Variants in PTPRN2 observed in about 807,000 individuals in gnomAD.
PTPRN2 encodes the protein receptor-type tyrosine-protein phosphatase N2.
In PTPRN2, 74 loss-of-function variants were observed where a neutral mutation model predicts 118.8. That is an observed-to-expected ratio of 0.62 (90% confidence interval 0.52 to 0.76). The LOEUF (loss-of-function observed/expected upper bound fraction) is 0.76, where lower values mean the gene tolerates loss of function less well. Among genes scored for constraint, PTPRN2 ranks in the 30% least tolerant of loss-of-function variants. The probability of loss-of-function intolerance (pLI) is 0.00; values close to 1 mark genes in which losing one functional copy is unlikely to be tolerated. For missense variants in PTPRN2, 1,481 were observed against 1,394.4 expected (o/e 1.06, Z -0.99); for synonymous variants, 641 against 608.0 (o/e 1.05, Z -0.80).
chr7:157,576,528 G>T (rs1563227026), intron 19 of PTPRN2, 85 bp downstream of exon 19: 1 of 1,339,020 alleles, frequency 7.5e-7, no homozygotes. Flanking sequence ...CTCGGCGCCA[G>T]GGGCGTCTCA....
intron 17 of PTPRN2, among the ~76,000 whole-genome samples, chr7:157,584,695 T>C (rs1318918597): frequency 6.6e-6 from 1 of 152,210 alleles, no homozygotes; most frequent in Non-Finnish European, 1.5e-5. Context: ...ATAAAGAAGA[T>C]GCAGCTAAAT....
chr7:157,844,619 C>G (rs1407313649), intron 12 of PTPRN2, among the ~76,000 whole-genome samples: 2 of 152,150 alleles, frequency 1.3e-5, no homozygotes, highest in South Asian at 2.1e-4. Flanking sequence ...ACAGCACGAC[C>G]CCAGGGTGGT....
At chr7:158,391,694 C>T (rs1811940926) in intron 2 of PTPRN2, among the ~76,000 whole-genome samples, 1 of 152,222 alleles carries the variant, frequency 6.6e-6, no homozygotes, top group African/African-American at 2.4e-5. Flanking sequence ...CAGCCCCTCA[C>T]AGCCCTGACC....
intron 12 of PTPRN2, among the ~76,000 whole-genome samples, chr7:157,839,996 GTGTGTGACTGTGTGTGAC>G (rs574548625): frequency 1.1e-3 from 158 of 150,170 alleles, no homozygotes; most frequent in Admixed American, 1.5e-3. Flanking sequence ...CTGTGTGGCC[GTGTGTGACTGTGTGTGAC>G]TGTGTGACTG....
intron 12 of PTPRN2, among the ~76,000 whole-genome samples, chr7:157,814,532 G>C (rs192768884): frequency 6.8e-6 from 1 of 146,788 alleles, no homozygotes; most frequent in African/African-American, 2.6e-5. Flanking sequence ...GGACAGGCGG[G>C]GGCAGGACAG....
chr7:158,131,348 C>T (rs533995047), intron 9 of PTPRN2, among the ~76,000 whole-genome samples: 157 of 139,456 alleles, frequency 1.1e-3, no homozygotes, highest in African/African-American at 4.0e-3. Flanking sequence ...TGCACATTTG[C>T]ACAAACCAAT....
chr7:157,840,382 CCGCG>C, intron 12 of PTPRN2, among the ~76,000 whole-genome samples: 1 of 138,934 alleles, frequency 7.2e-6, no homozygotes. Context: ...GACTGTGTGA[CCGCG>C]TGTGACTGTG....
chr7:157,955,970 A>G (rs1168147982), intron 11 of PTPRN2, among the ~76,000 whole-genome samples: 1 of 152,230 alleles, frequency 6.6e-6, no homozygotes, highest in Non-Finnish European at 1.5e-5. Context: ...CCAAGGGAGA[A>G]ACCCGCACAT....
intron 11 of PTPRN2, among the ~76,000 whole-genome samples, chr7:158,067,400 CTG>C (rs1810854625): frequency 6.6e-6 from 1 of 152,194 alleles, no homozygotes; most frequent in Non-Finnish European, 1.5e-5. Context: ...TGGACTGCAG[CTG>C]TGAGTGGTAC....
intron 6 of PTPRN2, among the ~76,000 whole-genome samples, chr7:158,153,847 G>C (rs1044537854): frequency 5.9e-5 from 9 of 151,810 alleles, no homozygotes; most frequent in Non-Finnish European, 1.3e-4. Flanking sequence ...TGGTGGTCGG[G>C]GGGACAGAGA....
chr7:157,784,447 T>A lies in PTPRN2; in HGVS notation c.1789-101510A>T, dbSNP rs1803889651. On this transcript the variant is annotated intron_variant, in intron 12 of 22. Coordinates refer to ENST00000389418, the MANE Select transcript of PTPRN2 (RefSeq NM_002847.5). The surrounding 1 kb of genome is among the most constrained non-coding windows in gnomAD (Gnocchi z 4.6). ...AGCGCCCACAAGGCTCAGGGCTGGG[T>A]CCAGCCTCACCTGCAAAAGCTGTGG... 6.6e-6 allele frequency among the ~76,000 whole-genome samples: 1 copy of A among 152,136 alleles called. No individual in the cohort carries two copies. Among genetic ancestry groups the A allele is most frequent in the Non-Finnish European group, 1.5e-5 (1 of 68,032 alleles).
chr7:158,318,398 C>A (rs1475887602), intron 2 of PTPRN2, among the ~76,000 whole-genome samples: 1 of 152,242 alleles, frequency 6.6e-6, no homozygotes. Context: ...GGCAGCACGT[C>A]GAGACGGCCC....
intron 12 of PTPRN2, among the ~76,000 whole-genome samples, chr7:157,895,050 C>CG (rs781544570): frequency 6.6e-6 from 1 of 150,858 alleles, no homozygotes; most frequent in Non-Finnish European, 1.5e-5. Context: ...AAGAGGACCC[C>CG]TCCCCCACAG....
rs142547954 is a variant in PTPRN2 at position 158,385,095 on chromosome 7, CCCA to C, written c.164-68166_164-68164del. On this transcript the variant is annotated intron_variant, in intron 2 of 22. Transcript: ENST00000389418. ...ATGTTTAAATTTTCCGTTCCACACT[CCCA>C]CCAATGCCCCTGAAGCATGGAATAA... Among the ~76,000 whole-genome samples the C allele has an allele frequency of 1.3e-3, 193 of 152,314 alleles. 2 individuals are homozygous for C. The East Asian group carries it at 0.032, about 25-fold the overall frequency.
At chr7:158,417,010 G>A (rs929618098) in intron 2 of PTPRN2, among the ~76,000 whole-genome samples, 61 of 150,068 alleles carry the variant, frequency 4.1e-4, no homozygotes, top group African/African-American at 1.4e-3. Context: ...ACACTACATC[G>A]AGATGCTCTA....
At chr7:157,877,713 C>T (rs1051222714) in intron 12 of PTPRN2, among the ~76,000 whole-genome samples, 2 of 152,226 alleles carry the variant, frequency 1.3e-5, no homozygotes, top group Non-Finnish European at 2.9e-5. Context: ...AGCCAACCCT[C>T]CCTGTGGGCC....
chr7:158,174,396 C>T (rs1157733456), intron 5 of PTPRN2, among the ~76,000 whole-genome samples: 1 of 152,060 alleles, frequency 6.6e-6, no homozygotes, highest in African/African-American at 2.4e-5. Flanking sequence ...TCATCTTCAC[C>T]ATCCACAGCA....
At chr7:158,146,738 A>T (rs538373926) in intron 6 of PTPRN2, among the ~76,000 whole-genome samples, 26 of 151,686 alleles carry the variant, frequency 1.7e-4, no homozygotes, top group African/African-American at 6.1e-4. Context: ...AAAAAAAAGA[A>T]AGAAAAAAGA....
At chr7:158,236,158 G>A (rs537628900) in intron 3 of PTPRN2, among the ~76,000 whole-genome samples, 11 of 152,168 alleles carry the variant, frequency 7.2e-5, no homozygotes, top group Admixed American at 2.0e-4. Flanking sequence ...ATTGCTGGCC[G>A]TCATCTCTGG....
Sources: gnomAD v4.1 joint callset for allele counts (sites outside exome capture counted in the v4.1 genomes callset) on GRCh38, gnomAD v4.1.1 for gene constraint, Gnocchi (gnomAD v3.1) non-coding constraint, MANE v1.5 for transcripts, NCBI Gene and HGNC (gene_info 2026-07-23, HGNC 2026-07-21) for gene names.